Variants in SLC13A4 observed in about 807,000 individuals in gnomAD.
SLC13A4 encodes Na(+)/sulfate cotransporter SUT-1.
Under a neutral mutation model 72.7 loss-of-function variants are expected in SLC13A4, and 28 were observed. The ratio of observed to expected loss-of-function variants is 0.39; its 90% CI spans 0.29 to 0.53. The LOEUF is 0.53. Ranked by LOEUF, SLC13A4 falls within the 20% of genes least tolerant of loss-of-function variation. The pLI is 0.78. For synonymous variants in SLC13A4, 312 were observed against 325.5 expected, an observed-to-expected ratio of 0.96 and a Z score of 0.45; for missense variants, 653 against 788.0, an observed-to-expected ratio of 0.83 and a Z score of 2.05.
chr7:135,717,715 G>A (rs977810488), intron 2 of SLC13A4, among the ~76,000 whole-genome samples: 1 of 152,152 alleles, frequency 6.6e-6, no homozygotes, highest in Non-Finnish European at 1.5e-5. Context: ...AACTTGGGTG[G>A]ACCATGGGGT....
intron 13 of SLC13A4, among the ~76,000 whole-genome samples, chr7:135,687,441 A>G (rs929961722): frequency 6.6e-6 from 1 of 152,188 alleles, no homozygotes; most frequent in African/African-American, 2.4e-5. Flanking sequence ...AATTCATCAA[A>G]AGCTCATTTC....
chr7:135,723,065 A>G (rs187058062), intron 1 of SLC13A4, among the ~76,000 whole-genome samples: 8 of 152,278 alleles, frequency 5.3e-5, no homozygotes, highest in South Asian at 2.1e-4. Context: ...CTCCACTGTG[A>G]CAAGCAAAAA....
intron 2 of SLC13A4, 97 bp downstream of exon 2, chr7:135,721,298 C>A: frequency 6.9e-7 from 1 of 1,450,950 alleles, no homozygotes; most frequent in Non-Finnish European, 9.5e-7. Context: ...AAGGCCCCCT[C>A]ATCGTCAAGT....
At position 135,702,086 on chromosome 7, in the gene SLC13A4, T is replaced by A. The variant is rs189989530; in HGVS notation, c.634-326A>T. 8.0e-3 allele frequency: 1,430 copies of A among 179,380 alleles called. 12 individuals carry two copies. The highest frequency in any genetic ancestry group is 0.033 in the African/African-American group (1,330 of 40,256). 11.1% of individuals were successfully genotyped at this position (179,380 alleles called of 1,614,324 possible). On this transcript the variant is annotated intron_variant, in intron 6 of 15. Coordinates refer to ENST00000682651, the MANE Select transcript of SLC13A4 (RefSeq NM_001318192.2). ...GAAAAAAAAGAAAATAAAAAAAAAA[T>A]AATCACAAGCAAGTCCACAGTTTTT...
intron 2 of SLC13A4, among the ~76,000 whole-genome samples, chr7:135,713,799 A>G (rs1796357562): frequency 6.6e-6 from 1 of 152,186 alleles, no homozygotes; most frequent in African/African-American, 2.4e-5. Flanking sequence ...CTGGTCTTCA[A>G]CGCCTGACCT....
intron 13 of SLC13A4, among the ~76,000 whole-genome samples, chr7:135,687,869 G>A (rs190938127): frequency 2.0e-5 from 3 of 152,198 alleles, no homozygotes; most frequent in Admixed American, 6.5e-5. Context: ...GGAGTGCAGT[G>A]GCACCATCTC....
intron 7 of SLC13A4, 43 bp from the exon 8 acceptor site, chr7:135,699,591 C>A (rs777415136): frequency 2.0e-6 from 3 of 1,537,438 alleles, no homozygotes; most frequent in Non-Finnish European, 2.6e-6. Flanking sequence ...CCAGCTTGGG[C>A]TGTCTGGCCG....
chr7:135,691,495 T>A (rs1194421518), intron 12 of SLC13A4, 53 bp downstream of exon 12: 2 of 1,542,748 alleles, frequency 1.3e-6, no homozygotes, highest in Non-Finnish European at 1.8e-6. Flanking sequence ...AGTATTAGTC[T>A]GATTTGGGTA....
In SLC13A4 at chr7:135,691,622, G is replaced by T; in HGVS notation, c.1247C>A (p.Thr416Lys). ...FEKKGYRTDA[T>K]VSVFLGFLLF... is the part of the protein sequence containing the mutation. ...GAGGAAGCCAAGGAAGACAGAGACT[G>T]TGGCATCAGTACGGTAGCCTTTCCT... The change falls in exon 12 of 16, where the codon ACA (threonine) becomes AAA (lysine). Residue 416 changes from threonine (T) to lysine (K), a missense_variant. Physicochemically the swap from Thr to Lys is moderately conservative, Grantham distance 78. Transcript: ENST00000682651. 1 of 1,613,628 alleles carries T rather than the reference G, an allele frequency of 6.2e-7. No homozygotes were observed. The highest frequency in any genetic ancestry group is 8.5e-7 in the Non-Finnish European group (1 of 1,179,498).
intron 3 of SLC13A4, 131 bp downstream of exon 3, chr7:135,707,983 G>T: frequency 8.9e-7 from 1 of 1,129,430 alleles, no homozygotes; most frequent in Non-Finnish European, 1.3e-6. Context: ...CTATGGCTCT[G>T]GTGTCAGCCC....
At chr7:135,692,017 T>C in intron 11 of SLC13A4, 1 of 429,256 alleles carries the variant, frequency 2.3e-6, no homozygotes, top group South Asian at 2.9e-5. Context: ...GAGAAGTTGA[T>C]TTCTTCTTTA....
At chr7:135,709,092 G>C (rs2129494910) in intron 2 of SLC13A4, among the ~76,000 whole-genome samples, 1 of 151,376 alleles carries the variant, frequency 6.6e-6, no homozygotes, top group African/African-American at 2.4e-5. Context: ...ACCATGCCTG[G>C]CTAATTTTTT....
chr7:135,683,273 T>G (rs1159295803), intron 15 of SLC13A4: 1 of 700,056 alleles, frequency 1.4e-6, no homozygotes, highest in East Asian at 1.6e-4. Context: ...AACTCCAGCC[T>G]GGGTGAGAGT....
intron 2 of SLC13A4, among the ~76,000 whole-genome samples, chr7:135,710,208 A>AC (rs530366134): frequency 3.9e-4 from 60 of 152,350 alleles, no homozygotes; most frequent in Admixed American, 1.2e-3. Context: ...CATTTGAAAT[A>AC]ATATGTACAT....
At chr7:135,721,072 A>G (rs1433159071) in intron 2 of SLC13A4, among the ~76,000 whole-genome samples, 1 of 152,184 alleles carries the variant, frequency 6.6e-6, no homozygotes, top group African/African-American at 2.4e-5. Context: ...GAAAAAGGTC[A>G]ACAGCAGCTG....
In SLC13A4 at chr7:135,727,770, G is replaced by C. The variant is rs1049801525; in HGVS notation, c.-274C>G. 1.7e-5 allele frequency: 7 copies of C among 418,826 alleles called. No homozygotes were observed. Among genetic ancestry groups the C allele is most frequent in the African/African-American group, 1.2e-4 (6 of 49,876 alleles). 25.9% of individuals were successfully genotyped at this position (418,826 alleles called of 1,614,324 possible). A position where few individuals can be genotyped will look rare whatever the true frequency, so the allele number is the denominator to read the frequency against. On this transcript the variant is annotated 5_prime_UTR_variant, in exon 1 of 16. Coordinates refer to ENST00000682651, the MANE Select transcript of SLC13A4 (RefSeq NM_001318192.2). The stretch of plus-strand genomic sequence containing the variant: ...GGAAAGGATGATAAACGGGGGCATA[G>C]TGGGCCTCCTCTCGGCTTGATTAGT...
At chr7:135,713,245 TG>T (rs1375797800) in intron 2 of SLC13A4, among the ~76,000 whole-genome samples, 6 of 152,180 alleles carry the variant, frequency 3.9e-5, no homozygotes, top group Non-Finnish European at 8.8e-5. Flanking sequence ...GACATTTGCA[TG>T]GTGGTTTGAT....
At position 135,684,154 on chromosome 7, in the gene SLC13A4, G is replaced by A; in HGVS notation, c.1716C>T (p.Phe572=). ...PVGNPPNAIV[F]SYGHCQIKDM... is the part of the protein sequence containing the mutation. ...CTTTGATCTGGCAGTGCCCATAGCT[G>A]AAGACGATGGCATTAGGGGGATTGC... The change falls in exon 15 of 16, where the codon TTC becomes TTT. Residue 572 remains phenylalanine, a synonymous_variant. Transcript: ENST00000682651. 6.2e-7 allele frequency: 1 copy of A among 1,612,392 alleles called. No homozygotes were observed. The highest frequency in any genetic ancestry group is 8.5e-7 in the Non-Finnish European group (1 of 1,179,050).
At chr7:135,715,163 GTA>G (rs1320822508) in intron 2 of SLC13A4, among the ~76,000 whole-genome samples, 1 of 151,430 alleles carries the variant, frequency 6.6e-6, no homozygotes, top group Admixed American at 6.6e-5. Context: ...GTGTGTGAGA[GTA>G]TATATGTGTA....
Sources: gnomAD v4.1 joint callset for allele counts (sites outside exome capture counted in the v4.1 genomes callset) on GRCh38, gnomAD v4.1.1 for gene constraint, MANE v1.5 for transcripts, NCBI Gene and HGNC (gene_info 2026-07-23, HGNC 2026-07-21) for gene names.